Variants in PVT1 observed in about 807,000 individuals in gnomAD.
The protein encoded by PVT1 is CXCR4/PVT1 fusion.
At chr8:128,002,569 C>T (rs959149291) in intron 4 of PVT1, among the ~76,000 whole-genome samples, 14 of 152,290 alleles carry the variant, frequency 9.2e-5, no homozygotes, top group East Asian at 1.9e-4. Flanking sequence ...TTCTCTCTCC[C>T]GGCCTCTGCT....
chr8:127,898,585 C>A lies in PVT1; in HGVS notation n.782+7587C>A, dbSNP rs1278725028. On this transcript the variant is annotated intron_variant and non_coding_transcript_variant, in intron 3 of 10. Coordinates refer to ENST00000651587, the Ensembl canonical transcript of PVT1. The surrounding 1 kb of genome is among the most constrained non-coding windows in gnomAD (Gnocchi z 4.4). Reference sequence around the variant, plus strand: ...ACCATAATTGATGGGCCACACTAGACTGGAGCCAACCATGGCCCATTGCTG... The same window carrying A: ...ACCATAATTGATGGGCCACACTAGAATGGAGCCAACCATGGCCCATTGCTG... Among the ~76,000 whole-genome samples, 1 of 152,228 alleles carries A rather than the reference C, an allele frequency of 6.6e-6. No individual in the cohort carries two copies. Among genetic ancestry groups the A allele is most frequent in the African/African-American group, 2.4e-5 (1 of 41,456 alleles).
intron 4 of PVT1, among the ~76,000 whole-genome samples, chr8:128,042,638 G>A (rs745509999): frequency 2.5e-4 from 38 of 152,200 alleles, no homozygotes; most frequent in Non-Finnish European, 3.1e-4. Context: ...ATACTAACTG[G>A]TAATGGTAGT....
intron 4 of PVT1, among the ~76,000 whole-genome samples, chr8:127,996,869 G>C (rs1361479498): frequency 6.6e-6 from 1 of 151,950 alleles, no homozygotes; most frequent in Non-Finnish European, 1.5e-5. Context: ...TTTGCTGCTT[G>C]CCAGCCCTCT....
intron 3 of PVT1, among the ~76,000 whole-genome samples, chr8:127,964,553 G>T (rs974299948): frequency 1.3e-5 from 2 of 152,178 alleles, no homozygotes; most frequent in African/African-American, 4.8e-5. Context: ...TAAAACAACA[G>T]AAATTTATTG....
At chr8:127,808,724 T>C (rs1216872107) in intron 2 of PVT1, among the ~76,000 whole-genome samples, 1 of 151,912 alleles carries the variant, frequency 6.6e-6, no homozygotes, top group African/African-American at 2.4e-5. Flanking sequence ...GGTATTTATT[T>C]TGGAGACAGA....
intron 2 of PVT1, among the ~76,000 whole-genome samples, chr8:127,883,079 C>CACAT (rs1471098137): frequency 6.6e-6 from 1 of 151,502 alleles, no homozygotes; most frequent in African/African-American, 2.4e-5. Context: ...CACACACACA[C>CACAT]ACACACAGAC....
chr8:127,984,924 T>TTTCTTTCTCC (rs1563657676), intron 3 of PVT1, among the ~76,000 whole-genome samples: 1 of 129,020 alleles, frequency 7.8e-6, no homozygotes, highest in Non-Finnish European at 1.6e-5. Context: ...TTTCTTTCTC[T>TTTCTTTCTCC]TTCTCTTTCT....
intron 2 of PVT1, among the ~76,000 whole-genome samples, chr8:127,812,037 G>T (rs1055880463): frequency 6.6e-6 from 1 of 151,776 alleles, no homozygotes; most frequent in African/African-American, 2.4e-5. Context: ...AGCCCAGGAG[G>T]TCTCTAGGCT....
At chr8:127,892,983 C>CT (rs1318336608) in intron 3 of PVT1, among the ~76,000 whole-genome samples, 2 of 152,132 alleles carry the variant, frequency 1.3e-5, no homozygotes, top group Non-Finnish European at 1.5e-5. Flanking sequence ...GTTTTTTCCC[C>CT]TTTTATCAGT....
intron 2 of PVT1, among the ~76,000 whole-genome samples, chr8:127,863,180 C>T (rs1231630821): frequency 3.9e-5 from 6 of 151,906 alleles, no homozygotes; most frequent in African/African-American, 9.7e-5. Context: ...GGCATGATCT[C>T]GGCTCACTGC....
At chr8:127,826,216 G>A (rs1023362512) in intron 2 of PVT1, among the ~76,000 whole-genome samples, 2 of 151,732 alleles carry the variant, frequency 1.3e-5, no homozygotes, top group African/African-American at 4.8e-5. Context: ...CTTGGCCTCA[G>A]GATCTTGGTT....
At chr8:128,041,783 T>C (rs1041240332) in intron 4 of PVT1, among the ~76,000 whole-genome samples, 4 of 152,184 alleles carry the variant, frequency 2.6e-5, no homozygotes, top group African/African-American at 4.8e-5. Flanking sequence ...TATTACTAGA[T>C]GCAGCCTCTC....
At chr8:127,995,608 A>T (rs748781372) in intron 4 of PVT1, among the ~76,000 whole-genome samples, 15 of 152,218 alleles carry the variant, frequency 9.9e-5, no homozygotes, top group Admixed American at 2.6e-4. Context: ...TACTATCCTT[A>T]TAGTAGTAGT....
At chr8:127,893,798 G>A (rs1007957698) in intron 3 of PVT1, among the ~76,000 whole-genome samples, 2 of 152,158 alleles carry the variant, frequency 1.3e-5, no homozygotes, top group African/African-American at 4.8e-5. Flanking sequence ...GGAGACTTGA[G>A]AGTGAAAGGG....
chr8:127,975,036 G>A (rs1436446501), intron 3 of PVT1, among the ~76,000 whole-genome samples: 1 of 152,076 alleles, frequency 6.6e-6, no homozygotes, highest in African/African-American at 2.4e-5. Flanking sequence ...GCTTCATCAA[G>A]TGGACAAGTC....
intron 2 of PVT1, among the ~76,000 whole-genome samples, chr8:127,806,155 C>T (rs968999763): frequency 7.2e-5 from 11 of 152,170 alleles, no homozygotes; most frequent in Middle Eastern, 3.4e-3. Context: ...TAGGACCATG[C>T]AGTGCTCATA....
chr8:127,923,507 G>C (rs1326806742), intron 3 of PVT1, among the ~76,000 whole-genome samples: 1 of 152,206 alleles, frequency 6.6e-6, no homozygotes, highest in Non-Finnish European at 1.5e-5. Context: ...GTCTGAGTGT[G>C]CTGCTGTCAC....
At chr8:128,029,880 G>A (rs1240044667) in intron 4 of PVT1, among the ~76,000 whole-genome samples, 12 of 152,252 alleles carry the variant, frequency 7.9e-5, no homozygotes, top group Non-Finnish European at 1.2e-4. Flanking sequence ...AGGTTGAGAT[G>A]GGAGGATTGC....
chr8:127,911,850 C>A (rs1009854738), intron 3 of PVT1, among the ~76,000 whole-genome samples: 6 of 152,234 alleles, frequency 3.9e-5, no homozygotes, highest in African/African-American at 1.4e-4. Context: ...GCCTCAGGCC[C>A]TTATCTTAGG....
Sources: gnomAD v4.1 joint callset for allele counts (sites outside exome capture counted in the v4.1 genomes callset) on GRCh38, gnomAD v4.1.1 for gene constraint, Gnocchi (gnomAD v3.1) non-coding constraint, MANE v1.5 for transcripts, NCBI Gene and HGNC (gene_info 2026-07-23, HGNC 2026-07-21) for gene names.